The following PKP2 variants were observed in gnomAD, a reference collection of about 807,000 sequenced individuals.
The protein encoded by PKP2 is plakophilin 2, also known as plakophilin-2.
Under a neutral mutation model 83.4 loss-of-function variants are expected in PKP2, and 73 were observed. That is an observed-to-expected ratio of 0.88 (90% CI 0.72 to 1.06). The LOEUF is 1.06. PKP2 is among the 50% of genes least tolerant of loss of function. The pLI is 0.00. For missense variants in PKP2, 966 were observed against 1,065.4 expected (o/e 0.91, Z 1.30); for synonymous variants, 409 against 430.4 (o/e 0.95, Z 0.62).
chr12:32,830,120 T>A (rs1468159408), intron 6 of PKP2, among the ~76,000 whole-genome samples: 1 of 152,206 alleles, frequency 6.6e-6, no homozygotes, highest in African/African-American at 2.4e-5. Flanking sequence ...GATAAACACT[T>A]GGTAGGCAAA....
In PKP2 at chr12:32,895,684, C is replaced by T. The variant is rs542772805; in HGVS notation, c.223+825G>A. Among the ~76,000 whole-genome samples the T allele has an allele frequency of 5.3e-5, 8 of 152,368 alleles. No homozygotes were observed. The East Asian group carries it at 1.5e-3, about 29-fold the overall frequency. On this transcript the variant is annotated intron_variant, in intron 1 of 12. Transcript: ENST00000340811. ...GATACATCATGATCTCTAATTTTCA[C>T]AAGTGGCTTGCCATCTTCTTTCCCT...
In PKP2 at chr12:32,867,349, T is replaced by C. The variant is rs144354340; in HGVS notation, c.1170+1578A>G. Among the ~76,000 whole-genome samples the C allele has an allele frequency of 5.5e-3, 832 of 152,202 alleles. 10 individuals are homozygous for C. The highest frequency in any genetic ancestry group is 0.019 in the African/African-American group (779 of 41,538). On this transcript the variant is annotated intron_variant, in intron 4 of 12. Coordinates refer to ENST00000340811, the MANE Select transcript of PKP2 (RefSeq NM_001005242.3). ...TCTCAAAACATAGAAAGAAAGCAGA[T>C]CACTGGTTGTTTTGGGAGGCTGTTC...
chr12:32,819,303 C>CAATAAAATAA (rs1183387884), intron 9 of PKP2, among the ~76,000 whole-genome samples: 41 of 33,512 alleles, frequency 1.2e-3, no homozygotes, highest in Middle Eastern at 0.031. Flanking sequence ...CAATACAATA[C>CAATAAAATAA]AATACAATAC....
intron 4 of PKP2, among the ~76,000 whole-genome samples, chr12:32,853,766 C>A (rs968121471): frequency 6.6e-6 from 1 of 152,184 alleles, no homozygotes; most frequent in Non-Finnish European, 1.5e-5. Flanking sequence ...CGGCCTCAGG[C>A]TCCCAAAGTG....
At chr12:32,883,716 A>G (rs899810610) in intron 1 of PKP2, among the ~76,000 whole-genome samples, 20 of 152,178 alleles carry the variant, frequency 1.3e-4, no homozygotes, top group Non-Finnish European at 2.9e-4. Context: ...TGGAACCCCT[A>G]TTCTACCGCT....
At chr12:32,896,242 A>G (rs1474468356) in intron 1 of PKP2, among the ~76,000 whole-genome samples, 1 of 152,224 alleles carries the variant, frequency 6.6e-6, no homozygotes, top group Non-Finnish European at 1.5e-5. Context: ...TAGAAAAAGA[A>G]AGGGGTGAAA....
At chr12:32,834,414 G>A (rs1461485843) in intron 6 of PKP2, among the ~76,000 whole-genome samples, 1 of 152,158 alleles carries the variant, frequency 6.6e-6, no homozygotes, top group Non-Finnish European at 1.5e-5. Flanking sequence ...CTGATAGCTG[G>A]TTCTACAATT....
At chr12:32,794,960 CTTCAGTACAGG>C (rs1313651000) in intron 11 of PKP2, among the ~76,000 whole-genome samples, 1 of 152,218 alleles carries the variant, frequency 6.6e-6, no homozygotes, top group African/African-American at 2.4e-5. Flanking sequence ...GCACACATTT[CTTCAGTACAGG>C]TGAAGTCATC....
rs1241755345 is a variant in PKP2, at chr12:32,841,098, C to T, written c.1486G>A (p.Glu496Lys). 1.2e-6 allele frequency: 2 copies of T among 1,613,570 alleles called. No homozygotes were observed. The highest frequency in any genetic ancestry group is 8.5e-7 in the Non-Finnish European group (1 of 1,179,518). ...NIIIPFSGWPEGDYPKANGLL... is the reference protein window; with the variant it reads ...NIIIPFSGWPKGDYPKANGLL... ...CCATTTGCTTTTGGGTAGTCTCCTT[C>T]AGGCCACCCAGAAAAGGGGATGATG... The change falls in exon 6 of 13, where the codon GAA (glutamate) becomes AAA (lysine). Residue 496 changes from glutamate to lysine, a missense_variant. Transcript: ENST00000340811.
At chr12:32,895,608 A>T (rs986666584) in intron 1 of PKP2, among the ~76,000 whole-genome samples, 1 of 152,228 alleles carries the variant, frequency 6.6e-6, no homozygotes, top group Admixed American at 6.5e-5. Flanking sequence ...AAGAAGTAAA[A>T]CAAGGGTCAC....
intron 4 of PKP2, chr12:32,863,091 T>G (rs1285798389): frequency 6.4e-6 from 1 of 156,598 alleles, no homozygotes; most frequent in African/African-American, 2.4e-5. Context: ...CTAAATGTTC[T>G]AAATGGAAAT....
chr12:32,893,911 CTTTTTTTTTTTTT>C (rs138765604), intron 1 of PKP2: 1 of 81,758 alleles, frequency 1.2e-5, no homozygotes, highest in Non-Finnish European at 2.1e-5. Flanking sequence ...GAGTAACTTA[CTTTTTTTTTTTTT>C]TTTTTTTTTT....
rs187693756 is a variant in PKP2, at chr12:32,825,318, G to A, written c.1557-1156C>T. ...CGAGTAGCTGGGACTACAGGCGTGCGTCACTATGCCCAGCTAATTTTTGTA... is the reference window on the plus strand; with the variant it reads ...CGAGTAGCTGGGACTACAGGCGTGCATCACTATGCCCAGCTAATTTTTGTA... On this transcript the variant is annotated intron_variant, in intron 6 of 12. Transcript: ENST00000340811. Among the ~76,000 whole-genome samples, 349 of 151,982 alleles carry A rather than the reference G, an allele frequency of 2.3e-3. 2 individuals carry two copies. The highest frequency in any genetic ancestry group is 8.0e-3 in the African/African-American group (332 of 41,456).
intron 1 of PKP2, among the ~76,000 whole-genome samples, chr12:32,888,894 G>T (rs1313460623): frequency 6.6e-6 from 1 of 151,532 alleles, no homozygotes; most frequent in African/African-American, 2.4e-5. Flanking sequence ...GGCCTCAGGC[G>T]ATTCTCCTGT....
chr12:32,843,358 T>C, intron 5 of PKP2: 1 of 1,354,066 alleles, frequency 7.4e-7, no homozygotes, highest in Non-Finnish European at 9.9e-7. Flanking sequence ...GGCAGGCTCC[T>C]TTATGAACAC....
rs775866434 is a variant in PKP2 at position 32,841,061 on chromosome 12, A to C, written c.1523T>G (p.Phe508Cys). ...TCCAGTGACGTTGTAGAATATGTCA[A>C]AATCGAGCAAACCATTTGCTTTTGG... is the stretch of plus-strand genomic sequence containing the variant. ...DYPKANGLLD[F>C]DIFYNVTGCL... The change falls in exon 6 of 13, where the codon TTT (phenylalanine) becomes TGT (cysteine). Residue 508 changes from phenylalanine (F) to cysteine (C), a missense_variant. Transcript: ENST00000340811. The C allele has an allele frequency of 6.2e-7, 1 of 1,613,872 alleles. No homozygotes were observed. Among genetic ancestry groups the C allele is most frequent in the Non-Finnish European group, 8.5e-7 (1 of 1,179,914 alleles).
chr12:32,801,801 A>ATTAT (rs373030735), intron 10 of PKP2, among the ~76,000 whole-genome samples: 29,972 of 152,138 alleles, frequency 0.2, 3,631 homozygotes, highest in East Asian at 0.56. Flanking sequence ...CAAATAAAAA[A>ATTAT]GTACCGTTAT....
intron 4 of PKP2, among the ~76,000 whole-genome samples, chr12:32,861,197 AAAG>A (rs1226070407): frequency 1.3e-5 from 2 of 152,216 alleles, no homozygotes; most frequent in African/African-American, 2.4e-5. Context: ...CCAGGCATGC[AAAG>A]AAGAAGAAAA....
chr12:32,878,663 G>A, intron 2 of PKP2, 120 bp from the exon 3 acceptor site: 1 of 886,972 alleles, frequency 1.1e-6, no homozygotes, highest in Non-Finnish European at 1.8e-6. Context: ...ATGACGAGAA[G>A]TTTGCCCCTT....
Sources: allele counts gnomAD v4.1 joint callset (sites outside exome capture counted in the v4.1 genomes callset), GRCh38; gene constraint gnomAD v4.1.1; transcripts MANE v1.5; gene names NCBI Gene and HGNC (gene_info 2026-07-23, HGNC 2026-07-21).